SUPT3H: variants seen among roughly 807,000 people sequenced by gnomAD.
The protein encoded by SUPT3H is transcription initiation protein SPT3 homolog.
In SUPT3H, 44 loss-of-function variants were observed where a neutral mutation model predicts 44.3. That is an observed-to-expected ratio of 0.99 (90% CI 0.78 to 1.28). The LOEUF (loss-of-function observed/expected upper bound fraction) is 1.28, where lower values mean the gene tolerates loss of function less well. Among genes scored for constraint, SUPT3H ranks in the 50% most tolerant of loss-of-function variants. The probability of loss-of-function intolerance (pLI) is 0.00; values close to 1 mark genes in which losing one functional copy is unlikely to be tolerated. For synonymous variants in SUPT3H, 124 were observed against 125.6 expected, an observed-to-expected ratio of 0.99 and a Z score of 0.09; for missense variants, 380 against 387.1, an observed-to-expected ratio of 0.98 and a Z score of 0.15.
At chr6:44,895,827 T>G (rs898976379) in intron 10 of SUPT3H, among the ~76,000 whole-genome samples, 7 of 152,012 alleles carry the variant, frequency 4.6e-5, no homozygotes, top group African/African-American at 1.7e-4. Context: ...TAATGTAAAA[T>G]GAAGTTCATT....
intron 3 of SUPT3H, among the ~76,000 whole-genome samples, chr6:45,081,452 G>A (rs999763422): frequency 6.6e-6 from 1 of 152,026 alleles, no homozygotes; most frequent in Non-Finnish European, 1.5e-5. Context: ...TTAACACTAT[G>A]TGATACTATT....
chr6:45,039,440 G>A (rs954504057), intron 3 of SUPT3H, among the ~76,000 whole-genome samples: 2 of 151,820 alleles, frequency 1.3e-5, no homozygotes, highest in African/African-American at 4.8e-5. Context: ...CAGTATTTCT[G>A]TACTATTAAA....
chr6:45,060,708 G>T (rs1255220459), intron 3 of SUPT3H, among the ~76,000 whole-genome samples: 2 of 152,130 alleles, frequency 1.3e-5, no homozygotes, highest in Non-Finnish European at 2.9e-5. Flanking sequence ...TGAGATAAAG[G>T]TCTAATATCC....
At chr6:44,930,482 C>T (rs652851) in intron 10 of SUPT3H, among the ~76,000 whole-genome samples, 147,697 of 150,800 alleles carry the variant, frequency 0.98, 72,340 homozygotes, top group Middle Eastern at 1. Context: ...GAGAACTGCT[C>T]GAACCTGGGA....
At chr6:45,253,846 C>T (rs1308255612) in intron 2 of SUPT3H, among the ~76,000 whole-genome samples, 4 of 21,570 alleles carry the variant, frequency 1.9e-4, no homozygotes, top group South Asian at 2.7e-3. Context: ...TACACATATA[C>T]GCATATATAT....
chr6:45,070,057 C>G (rs915810191), intron 3 of SUPT3H, among the ~76,000 whole-genome samples: 3 of 152,244 alleles, frequency 2.0e-5, no homozygotes, highest in Admixed American at 1.3e-4. Context: ...ATATCATGGT[C>G]ATTCCCAAGG....
intron 10 of SUPT3H, among the ~76,000 whole-genome samples, chr6:44,904,655 A>T (rs958621635): frequency 6.6e-6 from 1 of 152,220 alleles, no homozygotes; most frequent in African/African-American, 2.4e-5. Context: ...TCTTCACAGA[A>T]TTGGAAAAAA....
intron 11 of SUPT3H, among the ~76,000 whole-genome samples, chr6:44,817,727 A>G (rs1397187202): frequency 1.3e-5 from 2 of 152,136 alleles, no homozygotes; most frequent in South Asian, 2.1e-4. Context: ...AAAAATTTAA[A>G]TATTTCTTAT....
At chr6:44,965,698 T>C (rs948013601) in intron 6 of SUPT3H, among the ~76,000 whole-genome samples, 7 of 148,556 alleles carry the variant, frequency 4.7e-5, no homozygotes, top group Admixed American at 2.6e-4. Context: ...GTTTCAAAGA[T>C]ACAAAAAAAA....
At chr6:45,373,368 A>G (rs1433437026) in intron 1 of SUPT3H, among the ~76,000 whole-genome samples, 2 of 152,194 alleles carry the variant, frequency 1.3e-5, no homozygotes, top group Non-Finnish European at 2.9e-5. Flanking sequence ...TAAGAGCCTC[A>G]TTAGTATAAC....
chr6:45,241,068 G>A (rs1256300377), intron 2 of SUPT3H, among the ~76,000 whole-genome samples: 2 of 152,180 alleles, frequency 1.3e-5, no homozygotes, highest in African/African-American at 4.8e-5. Flanking sequence ...TGATGATTGT[G>A]CTTTTAATCT....
chr6:45,086,859 C>T (rs1004792825), intron 3 of SUPT3H, among the ~76,000 whole-genome samples: 7 of 151,824 alleles, frequency 4.6e-5, no homozygotes, highest in Admixed American at 2.0e-4. Flanking sequence ...TTTAAGATAT[C>T]AGTAATAGTG....
At chr6:44,974,177 T>TG (rs1777985544) in intron 6 of SUPT3H, among the ~76,000 whole-genome samples, 1 of 152,112 alleles carries the variant, frequency 6.6e-6, no homozygotes, top group Admixed American at 6.5e-5. Context: ...GTGTATATGC[T>TG]GGGTGGGGTA....
chr6:44,884,232 T>C (rs1166640799), intron 10 of SUPT3H, among the ~76,000 whole-genome samples: 2 of 152,204 alleles, frequency 1.3e-5, no homozygotes, highest in South Asian at 2.1e-4. Flanking sequence ...AAGACATTTA[T>C]GCGGCCAACA....
chr6:44,851,394 TCAC>T (rs970346717), intron 10 of SUPT3H, among the ~76,000 whole-genome samples: 28 of 152,326 alleles, frequency 1.8e-4, no homozygotes, highest in African/African-American at 5.5e-4. Flanking sequence ...GTGTTCATAT[TCAC>T]CACAATTATG....
At chr6:44,890,493 G>A (rs1339273368) in intron 10 of SUPT3H, among the ~76,000 whole-genome samples, 1 of 151,434 alleles carries the variant, frequency 6.6e-6, no homozygotes, top group Non-Finnish European at 1.5e-5. Context: ...ATCATTCTCA[G>A]TAAACTATCG....
At position 44,910,994 on chromosome 6, in the gene SUPT3H, CAAAAAAAAAAAA is replaced by C. The variant is rs34384511; in HGVS notation, c.912+21647_912+21658del. On this transcript the variant is annotated intron_variant, in intron 10 of 10. Transcript: ENST00000371459. The stretch of plus-strand genomic sequence containing the variant: ...TGGGCAACAGAGTGAGACTCCATCT[CAAAAAAAAAAAA>C]AAAAAAAAAAAAAAGTAGCTTCTTT... Among the ~76,000 whole-genome samples the C allele has an allele frequency of 6.4e-5, 4 of 62,696 alleles. No individual in the cohort carries two copies. In the Admixed American group the frequency reaches 1.1e-3, roughly 17 times the overall value. 41.1% of individuals were successfully genotyped at this position (62,696 alleles called of 152,430 possible).
At chr6:45,371,454 G>A (rs1796066969) in intron 1 of SUPT3H, among the ~76,000 whole-genome samples, 2 of 151,284 alleles carry the variant, frequency 1.3e-5, no homozygotes, top group Admixed American at 6.6e-5. Flanking sequence ...TACCAATGAG[G>A]AAACTAAGAC....
At chr6:45,114,031 G>C (rs1450503349) in intron 2 of SUPT3H, among the ~76,000 whole-genome samples, 1 of 151,286 alleles carries the variant, frequency 6.6e-6, no homozygotes, top group African/African-American at 2.4e-5. Flanking sequence ...AATATGTGAA[G>C]ATATATAAAA....
Sources: allele counts gnomAD v4.1 joint callset (sites outside exome capture counted in the v4.1 genomes callset), GRCh38; gene constraint gnomAD v4.1.1; transcripts MANE v1.5; gene names NCBI Gene and HGNC (gene_info 2026-07-23, HGNC 2026-07-21).